The following CNTN5 variants were observed in gnomAD, a reference collection of about 807,000 sequenced individuals.
The protein encoded by CNTN5 is contactin 5.
CNTN5 carries 77 observed loss-of-function variants against 129.1 expected under a neutral mutation model. That is an observed-to-expected ratio of 0.60 (90% confidence interval 0.50 to 0.72). CNTN5 has a LOEUF of 0.72. CNTN5 is among the 30% of genes least tolerant of loss of function. CNTN5 has a pLI of 0.00. For synonymous variants in CNTN5, 509 were observed against 465.6 expected (o/e 1.09, Z -1.20); for missense variants, 1,478 against 1,328.8 (o/e 1.11, Z -1.75).
At chr11:99,880,251 G>T (rs889424552) in intron 6 of CNTN5, among the ~76,000 whole-genome samples, 2 of 152,130 alleles carry the variant, frequency 1.3e-5, no homozygotes, top group Admixed American at 1.3e-4. Context: ...ATTGCTCTGT[G>T]TCCCTCTTTT....
At chr11:100,246,042 G>C (rs1222316947) in intron 16 of CNTN5, among the ~76,000 whole-genome samples, 5 of 151,940 alleles carry the variant, frequency 3.3e-5, no homozygotes, top group Non-Finnish European at 4.4e-5. Context: ...TCCAATGATA[G>C]TACATTTTTT....
chr11:99,102,209 C>T (rs1314494265), intron 1 of CNTN5, among the ~76,000 whole-genome samples: 1 of 152,004 alleles, frequency 6.6e-6, no homozygotes, highest in Non-Finnish European at 1.5e-5. Flanking sequence ...GGGTTCTGGG[C>T]CTGGACCACA....
At chr11:99,375,516 T>C (rs1940127907) in intron 2 of CNTN5, among the ~76,000 whole-genome samples, 1 of 152,024 alleles carries the variant, frequency 6.6e-6, no homozygotes, top group South Asian at 2.1e-4. Context: ...GAACAATAAA[T>C]CAAAGTTCTT....
At chr11:99,327,384 A>T (rs1019781772) in intron 2 of CNTN5, among the ~76,000 whole-genome samples, 2 of 152,196 alleles carry the variant, frequency 1.3e-5, no homozygotes, top group Non-Finnish European at 2.9e-5. Context: ...AAATTCATGT[A>T]ATTCAACAGA....
At chr11:99,753,856 T>A (rs1420362544) in intron 3 of CNTN5, among the ~76,000 whole-genome samples, 2 of 151,144 alleles carry the variant, frequency 1.3e-5, no homozygotes, top group Non-Finnish European at 2.9e-5. Context: ...CCCAACTAAT[T>A]TTTGTATTTT....
rs765231925 is a variant in CNTN5, at chr11:99,844,910, T to C, written c.336T>C (p.Thr112=). ...VQEPDDIIFP[T]DSDEKKVALN... ...AACCAGATGATATTATTTTTCCAAC[T>C]GATTCTGATGAAAAGAAGGTAGCAT... Residue 112 remains threonine (T), a synonymous_variant, in exon 5 of 25, where the codon ACT becomes ACC. Transcript: ENST00000524871. The C allele has an allele frequency of 5.6e-6, 9 of 1,613,856 alleles. No individual in the cohort carries two copies. The Admixed American group carries it at 1.5e-4, about 27-fold the overall frequency.
intron 23 of CNTN5, 53 bp from the exon 24 acceptor site, chr11:100,350,649 T>A (rs922287081): frequency 7.4e-7 from 1 of 1,359,216 alleles, no homozygotes; most frequent in African/African-American, 1.4e-5. Flanking sequence ...AGGCAGTCAA[T>A]GTGCATTTGT....
chr11:99,632,618 T>C (rs776571235), intron 3 of CNTN5, among the ~76,000 whole-genome samples: 2 of 152,130 alleles, frequency 1.3e-5, no homozygotes, highest in Admixed American at 6.6e-5. Flanking sequence ...CTTCACAAAA[T>C]TGAAAGTAGA....
chr11:99,839,160 A>C (rs1202122044), intron 4 of CNTN5, among the ~76,000 whole-genome samples: 1 of 152,178 alleles, frequency 6.6e-6, no homozygotes, highest in African/African-American at 2.4e-5. Flanking sequence ...ACTTTCATTG[A>C]AACAAGGAAA....
At chr11:99,944,100 A>G (rs955275254) in intron 7 of CNTN5, among the ~76,000 whole-genome samples, 2 of 151,998 alleles carry the variant, frequency 1.3e-5, no homozygotes, top group African/African-American at 4.8e-5. Flanking sequence ...CTTGATGGGA[A>G]AAGTATTCAG....
intron 2 of CNTN5, among the ~76,000 whole-genome samples, chr11:99,365,693 C>T (rs1350981228): frequency 6.6e-6 from 1 of 152,144 alleles, no homozygotes; most frequent in Admixed American, 6.6e-5. Flanking sequence ...CTTAAGAACA[C>T]AGATTGTTTC....
chr11:100,075,621 G>T (rs1175000775), intron 13 of CNTN5, among the ~76,000 whole-genome samples: 1 of 152,068 alleles, frequency 6.6e-6, no homozygotes, highest in African/African-American at 2.4e-5. Flanking sequence ...ATCCACCAAG[G>T]CCTATGTGTT....
chr11:99,337,572 C>T (rs991169560), intron 2 of CNTN5, among the ~76,000 whole-genome samples: 1 of 152,184 alleles, frequency 6.6e-6, no homozygotes, highest in Non-Finnish European at 1.5e-5. Context: ...CTGCCCTGGA[C>T]GGACCAGGTG....
intron 13 of CNTN5, among the ~76,000 whole-genome samples, chr11:100,127,892 C>G (rs1447411867): frequency 2.0e-5 from 3 of 151,806 alleles, no homozygotes; most frequent in Non-Finnish European, 2.9e-5. Flanking sequence ...AACTCCTGAC[C>G]TCAGGTGATC....
chr11:100,302,382 C>T (rs910786338), intron 20 of CNTN5, among the ~76,000 whole-genome samples: 2 of 151,566 alleles, frequency 1.3e-5, no homozygotes, highest in Non-Finnish European at 1.5e-5. Flanking sequence ...CTAATCTGAG[C>T]GAAATTGTAT....
At chr11:100,309,348 A>G (rs1488753265) in intron 21 of CNTN5, 1 of 982,400 alleles carries the variant, frequency 1.0e-6, no homozygotes, top group Non-Finnish European at 1.2e-6. Context: ...ATTCTATTTG[A>G]GTTTTCAAAT....
At chr11:99,762,867 A>G (rs751011955) in intron 3 of CNTN5, among the ~76,000 whole-genome samples, 1 of 152,154 alleles carries the variant, frequency 6.6e-6, no homozygotes, top group Non-Finnish European at 1.5e-5. Context: ...AATTTTCCAC[A>G]TCCTTAAGAT....
At chr11:100,317,851 A>C (rs1425699470) in intron 21 of CNTN5, among the ~76,000 whole-genome samples, 2 of 152,340 alleles carry the variant, frequency 1.3e-5, no homozygotes, top group East Asian at 3.9e-4. Flanking sequence ...AAATTTTGAC[A>C]CAAACCATTT....
At chr11:100,136,081 TA>T (rs1240659391) in intron 13 of CNTN5, among the ~76,000 whole-genome samples, 2 of 152,140 alleles carry the variant, frequency 1.3e-5, no homozygotes, top group Non-Finnish European at 2.9e-5. Context: ...AACTTTGGAA[TA>T]ATGTTTTGTT....
Sources: gnomAD v4.1 joint callset for allele counts (sites outside exome capture counted in the v4.1 genomes callset) on GRCh38, gnomAD v4.1.1 for gene constraint, MANE v1.5 for transcripts, NCBI Gene and HGNC (gene_info 2026-07-23, HGNC 2026-07-21) for gene names.